Variants in RB1CC1 observed in about 807,000 individuals in gnomAD.
RB1CC1 encodes the protein RB1 inducible coiled-coil 1.
In RB1CC1, 46 loss-of-function variants were observed where a neutral mutation model predicts 177.5. The observed-to-expected ratio is 0.26, with a 90% CI of 0.20 to 0.33. The LOEUF is 0.33. Among genes scored for constraint, RB1CC1 ranks in the 10% least tolerant of loss-of-function variants. The pLI, the probability that RB1CC1 is intolerant of heterozygous loss-of-function variation, is 1.00. For missense variants in RB1CC1, 1,703 were observed against 1,816.3 expected, an observed-to-expected ratio of 0.94 and a Z score of 1.13; for synonymous variants, 666 against 613.6, an observed-to-expected ratio of 1.09 and a Z score of -1.26.
rs1173764477 is a variant in RB1CC1 at position 52,623,734 on chromosome 8, G to A, written c.*48C>T. ...TTGGAGTGATGAATGAGCACTGCAGGACAAATCAGAAAAAAATGTCATAGA... is the reference window on the plus strand; with the variant it reads ...TTGGAGTGATGAATGAGCACTGCAGAACAAATCAGAAAAAAATGTCATAGA... On this transcript the variant is annotated 3_prime_UTR_variant, in exon 24 of 24. Transcript: ENST00000025008. The A allele has an allele frequency of 7.1e-7, 1 of 1,408,514 alleles. No homozygotes were observed. The highest frequency in any genetic ancestry group is 1.0e-6 in the Non-Finnish European group (1 of 996,340). 87.3% of individuals were successfully genotyped at this position (1,408,514 alleles called of 1,614,324 possible).
intron 22 of RB1CC1, 74 bp from the exon 23 acceptor site, chr8:52,624,861 T>TTAAAAC: frequency 8.7e-7 from 1 of 1,150,412 alleles, no homozygotes; most frequent in East Asian, 2.8e-5. Context: ...ACTGCCAGAA[T>TTAAAAC]TAAAACAGAC....
chr8:52,627,667 T>G (rs1439249332), intron 22 of RB1CC1, among the ~76,000 whole-genome samples: 1 of 152,104 alleles, frequency 6.6e-6, no homozygotes, highest in East Asian at 1.9e-4. Context: ...TTTTATAATT[T>G]AAGAAAGTTT....
intron 18 of RB1CC1, among the ~76,000 whole-genome samples, chr8:52,639,096 T>G (rs1849370313): frequency 6.6e-6 from 1 of 152,088 alleles, no homozygotes; most frequent in South Asian, 2.1e-4. Flanking sequence ...ACATCACTTT[T>G]TAACCTAACA....
At chr8:52,633,087 C>T (rs1848876728) in intron 20 of RB1CC1, among the ~76,000 whole-genome samples, 1 of 152,206 alleles carries the variant, frequency 6.6e-6, no homozygotes, top group African/African-American at 2.4e-5. Context: ...AGTTGTCCCA[C>T]CTTTCCAGAC....
chr8:52,672,050 A>G (rs79886203), intron 7 of RB1CC1, among the ~76,000 whole-genome samples: 2,842 of 152,350 alleles, frequency 0.019, 97 homozygotes, highest in African/African-American at 0.066. Context: ...GCCCTATTCA[A>G]TGTAGCATTA....
intron 15 of RB1CC1, among the ~76,000 whole-genome samples, chr8:52,651,932 T>C (rs1850623565): frequency 6.6e-6 from 1 of 152,208 alleles, no homozygotes; most frequent in African/African-American, 2.4e-5. Flanking sequence ...AATAGCTGCA[T>C]ATTCCACAAT....
At position 52,685,417 on chromosome 8, in the gene RB1CC1, G is replaced by C; in HGVS notation, c.53C>G (p.Thr18Ser). The change falls in exon 3 of 24, where the codon ACT becomes AGT. Residue 18 changes from threonine to serine, a missense_variant. By Grantham distance (58) the Thr-to-Ser change is moderately conservative. Around this residue, in one of 6 missense-constraint regions of RB1CC1, gnomAD observed 118 missense variants for 121.2 expected, o/e 0.97. Transcript: ENST00000025008. ...VNTGTTLTFD[T>S]ELTVQTVADL... ...AACTCACGTTTGCACTGTAAGTTCA[G>C]TGTCAAATGTTAGAGTAGTTCCAGT... The C allele has an allele frequency of 1.3e-6, 2 of 1,598,890 alleles. No individual in the cohort carries two copies. The highest frequency in any genetic ancestry group is 1.7e-6 in the Non-Finnish European group (2 of 1,170,848).
chr8:52,677,590 A>C (rs1853246656), intron 5 of RB1CC1, among the ~76,000 whole-genome samples: 1 of 152,206 alleles, frequency 6.6e-6, no homozygotes, highest in Non-Finnish European at 1.5e-5. Context: ...ATAAGGTGGA[A>C]CGGGAAGGCA....
intron 20 of RB1CC1, 64 bp downstream of exon 20, chr8:52,634,856 TA>T: frequency 1.5e-6 from 2 of 1,338,742 alleles, no homozygotes; most frequent in Non-Finnish European, 2.1e-6. Context: ...AATATCTTCA[TA>T]ATGAAATATA....
chr8:52,652,911 G>T (rs557297165), intron 15 of RB1CC1, among the ~76,000 whole-genome samples: 26 of 152,160 alleles, frequency 1.7e-4, no homozygotes, highest in East Asian at 7.8e-4. Context: ...TACAAAATTA[G>T]CCAGGCGTGG....
chr8:52,665,576 A>T (rs867518827), intron 8 of RB1CC1, among the ~76,000 whole-genome samples: 2 of 152,218 alleles, frequency 1.3e-5, no homozygotes, highest in Admixed American at 6.5e-5. Context: ...ATGGTTAAAT[A>T]AATTTTGTTT....
intron 8 of RB1CC1, among the ~76,000 whole-genome samples, chr8:52,663,301 A>G (rs867211981): frequency 6.6e-6 from 1 of 152,118 alleles, no homozygotes; most frequent in African/African-American, 2.4e-5. Context: ...ATGGCTAGAG[A>G]ATGAATATTC....
At chr8:52,648,733 C>T (rs1850284758) in intron 15 of RB1CC1, among the ~76,000 whole-genome samples, 1 of 152,128 alleles carries the variant, frequency 6.6e-6, no homozygotes, top group Admixed American at 6.6e-5. Flanking sequence ...TGAATGGGCT[C>T]CTCCTGCACA....
intron 20 of RB1CC1, among the ~76,000 whole-genome samples, chr8:52,633,838 C>T (rs1848930911): frequency 6.6e-6 from 1 of 152,136 alleles, no homozygotes; most frequent in African/African-American, 2.4e-5. Context: ...CCTGGAATCC[C>T]AGCACTTGGG....
At chr8:52,640,024 T>C (rs1427142274) in intron 18 of RB1CC1, among the ~76,000 whole-genome samples, 1 of 152,178 alleles carries the variant, frequency 6.6e-6, no homozygotes, top group African/African-American at 2.4e-5. Context: ...ACAACTTTTA[T>C]TTTATTGTGG....
At chr8:52,634,736 GAT>G (rs545516910) in intron 20 of RB1CC1, among the ~76,000 whole-genome samples, 183 bp downstream of exon 20, 60 of 152,298 alleles carry the variant, frequency 3.9e-4, no homozygotes, top group Admixed American at 3.6e-3. Flanking sequence ...ACAGTCAGGA[GAT>G]AACTCTGGCC....
chr8:52,684,460 A>G (rs1311616094), intron 3 of RB1CC1, among the ~76,000 whole-genome samples: 3 of 152,194 alleles, frequency 2.0e-5, no homozygotes, highest in African/African-American at 2.4e-5. Flanking sequence ...ACTATTTATA[A>G]TAATTCCAAT....
At chr8:52,637,311 T>C (rs892903410) in intron 18 of RB1CC1, among the ~76,000 whole-genome samples, 1 of 152,224 alleles carries the variant, frequency 6.6e-6, no homozygotes, top group African/African-American at 2.4e-5. Context: ...ACCTTTTTGA[T>C]GCCATCAGAA....
intron 13 of RB1CC1, 128 bp from the exon 14 acceptor site, chr8:52,658,252 G>A: frequency 9.2e-7 from 1 of 1,092,528 alleles, no homozygotes; most frequent in Non-Finnish European, 1.3e-6. Flanking sequence ...AATACCAGAA[G>A]TATTTTAAGA....
Sources: gnomAD v4.1 joint callset for allele counts (sites outside exome capture counted in the v4.1 genomes callset) on GRCh38, gnomAD v4.1.1 for gene constraint, gnomAD v4.1.1 regional missense constraint, MANE v1.5 for transcripts, NCBI Gene and HGNC (gene_info 2026-07-23, HGNC 2026-07-21) for gene names.